Variants in CBLB observed in about 807,000 individuals in gnomAD.
CBLB encodes the protein E3 ubiquitin-protein ligase CBL-B.
Under a neutral mutation model 104.9 loss-of-function variants are expected in CBLB, and 31 were observed. That is an observed-to-expected ratio of 0.30 (90% CI 0.22 to 0.40). The LOEUF (loss-of-function observed/expected upper bound fraction) is 0.40. CBLB is among the 10% of genes least tolerant of loss of function. The probability of loss-of-function intolerance (pLI) is 1.00; values close to 1 mark genes in which losing one functional copy is unlikely to be tolerated. For missense variants in CBLB, 1,062 were observed against 1,214.6 expected (o/e 0.87, Z 1.87); for synonymous variants, 440 against 422.6 (o/e 1.04, Z -0.51).
chr3:105,663,102 T>C (rs9817481), intron 18 of CBLB, among the ~76,000 whole-genome samples: 77 of 142,574 alleles, frequency 5.4e-4, no homozygotes, highest in African/African-American at 1.9e-3. Flanking sequence ...CAGTTACTGC[T>C]GTTACTACTT....
chr3:105,660,500 C>A (rs930259880), intron 18 of CBLB, among the ~76,000 whole-genome samples: 3 of 152,044 alleles, frequency 2.0e-5, no homozygotes, highest in African/African-American at 7.2e-5. Context: ...CCCATATATA[C>A]ATTTTAAAAT....
At chr3:105,668,250 T>C (rs1245681001) in intron 18 of CBLB, among the ~76,000 whole-genome samples, 1 of 152,176 alleles carries the variant, frequency 6.6e-6, no homozygotes, top group African/African-American at 2.4e-5. Context: ...GGTTTGTGAT[T>C]TGAAGTTCTT....
intron 3 of CBLB, among the ~76,000 whole-genome samples, chr3:105,828,478 A>C (rs1181342762): frequency 6.6e-6 from 1 of 152,164 alleles, no homozygotes; most frequent in Non-Finnish European, 1.5e-5. Flanking sequence ...AAGATTTTTA[A>C]TTTTTGTCTT....
At chr3:105,863,926 A>G (rs1000033250) in intron 2 of CBLB, among the ~76,000 whole-genome samples, 2 of 152,196 alleles carry the variant, frequency 1.3e-5, no homozygotes, top group Non-Finnish European at 2.9e-5. Flanking sequence ...TATTAGATGG[A>G]AAATTGTTTC....
At chr3:105,869,422 T>C (rs1348117119), upstream of CBLB, 1 of 1,330,770 alleles carries the variant, frequency 7.5e-7, no homozygotes, top group Non-Finnish European at 9.9e-7. Context: ...CTGCTTCGCT[T>C]ACCTTCCTAG....
intron 2 of CBLB, among the ~76,000 whole-genome samples, chr3:105,855,674 T>G (rs1368506398): frequency 6.6e-6 from 1 of 152,164 alleles, no homozygotes; most frequent in Non-Finnish European, 1.5e-5. Flanking sequence ...CACCCAAAAC[T>G]GGAAGTATAT....
At chr3:105,851,089 T>C (rs1647622394) in intron 3 of CBLB, among the ~76,000 whole-genome samples, 1 of 152,190 alleles carries the variant, frequency 6.6e-6, no homozygotes, top group Non-Finnish European at 1.5e-5. Context: ...AAATATTTAT[T>C]GCAACTTTAT....
intron 10 of CBLB, among the ~76,000 whole-genome samples, chr3:105,710,857 C>T (rs1469093158): frequency 6.6e-6 from 1 of 151,808 alleles, no homozygotes; most frequent in Non-Finnish European, 1.5e-5. Flanking sequence ...TTTATAACTA[C>T]CACGAGGAAC....
chr3:105,770,027 T>C (rs62261497), intron 4 of CBLB, among the ~76,000 whole-genome samples: 10,433 of 152,162 alleles, frequency 0.069, 520 homozygotes, highest in Admixed American at 0.15. Context: ...GTGTTTCTAA[T>C]TGAATTATAA....
At chr3:105,787,524 CAGG>C (rs371639064) in intron 3 of CBLB, among the ~76,000 whole-genome samples, 175 of 152,282 alleles carry the variant, frequency 1.1e-3, no homozygotes, top group African/African-American at 4.0e-3. Flanking sequence ...TTCTGATCAG[CAGG>C]AGACTAGATA....
chr3:105,825,274 A>C (rs553071384), intron 3 of CBLB, among the ~76,000 whole-genome samples: 10 of 152,220 alleles, frequency 6.6e-5, no homozygotes, highest in Non-Finnish European at 1.5e-4. Context: ...ATTTAGAACC[A>C]GAGTGGGATA....
intron 3 of CBLB, among the ~76,000 whole-genome samples, chr3:105,849,614 CTGAG>C (rs1229801136): frequency 6.6e-6 from 1 of 152,028 alleles, no homozygotes; most frequent in Non-Finnish European, 1.5e-5. Context: ...AAAACATCTA[CTGAG>C]TTAGAAAATG....
intron 3 of CBLB, among the ~76,000 whole-genome samples, chr3:105,787,265 G>A (rs1012261694): frequency 4.6e-5 from 7 of 152,134 alleles, no homozygotes; most frequent in Admixed American, 3.9e-4. Context: ...GGTGGTGACA[G>A]GACCTTCTTG....
intron 6 of CBLB, among the ~76,000 whole-genome samples, chr3:105,741,518 C>A (rs1201203298): frequency 6.6e-6 from 1 of 152,162 alleles, no homozygotes; most frequent in Non-Finnish European, 1.5e-5. Flanking sequence ...GCTTCAGCCT[C>A]CCGAGTAGCT....
At position 105,732,364 on chromosome 3, in the gene CBLB, A is replaced by G. The variant is rs368651049; in HGVS notation, c.1203+1645T>C. ...TAATTTAAATAGGAATCAAGTATCT[A>G]TGTTGAGAATGATCTCCTTCAACAT... On this transcript the variant is annotated intron_variant, in intron 9 of 18. Coordinates refer to ENST00000394030, the MANE Select transcript of CBLB (RefSeq NM_170662.5). 9.2e-5 allele frequency among the ~76,000 whole-genome samples: 14 copies of G among 152,346 alleles called. No homozygotes were observed. In the South Asian group the frequency reaches 2.9e-3, roughly 32 times the overall value.
At chr3:105,702,017 T>TTTATG in intron 12 of CBLB, 77 bp downstream of exon 12, 1 of 1,565,056 alleles carries the variant, frequency 6.4e-7, no homozygotes, top group Non-Finnish European at 8.8e-7. Flanking sequence ...AAAAAACACT[T>TTTATG]CCCAACCTTT....
At chr3:105,736,963 T>C (rs1305275965) in intron 8 of CBLB, among the ~76,000 whole-genome samples, 2 of 152,048 alleles carry the variant, frequency 1.3e-5, no homozygotes, top group Non-Finnish European at 2.9e-5. Flanking sequence ...GCCAATACTA[T>C]ATGGAAAGCA....
chr3:105,768,721 C>A (rs983168369), intron 4 of CBLB, among the ~76,000 whole-genome samples: 30 of 152,048 alleles, frequency 2.0e-4, no homozygotes, highest in African/African-American at 7.0e-4. Flanking sequence ...ACACATTTTA[C>A]AATATAAATG....
chr3:105,755,404 A>G (rs1412220268), intron 4 of CBLB, among the ~76,000 whole-genome samples: 4 of 152,168 alleles, frequency 2.6e-5, no homozygotes, highest in Admixed American at 2.6e-4. Flanking sequence ...TCCTGTGTAA[A>G]TGTGGAGAAG....
Sources: gnomAD v4.1 joint callset for allele counts (sites outside exome capture counted in the v4.1 genomes callset) on GRCh38, gnomAD v4.1.1 for gene constraint, MANE v1.5 for transcripts, NCBI Gene and HGNC (gene_info 2026-07-23, HGNC 2026-07-21) for gene names.